The following NIBAN1 variants were observed in gnomAD, a reference collection of about 807,000 sequenced individuals.
NIBAN1 encodes the protein niban apoptosis regulator 1.
NIBAN1 carries 81 observed loss-of-function variants against 75.1 expected under a neutral mutation model. The observed-to-expected ratio is 1.08, with a 90% CI of 0.90 to 1.30. The LOEUF is 1.30. NIBAN1 is among the 50% of genes most tolerant of loss of function. NIBAN1 has a pLI of 0.00. For missense variants in NIBAN1, 1,133 were observed against 1,128.1 expected, an observed-to-expected ratio of 1.00 and a Z score of -0.06; for synonymous variants, 436 against 424.8, an observed-to-expected ratio of 1.03 and a Z score of -0.32.
At chr1:184,927,658 A>G (rs1188417506) in intron 1 of NIBAN1, among the ~76,000 whole-genome samples, 1 of 152,070 alleles carries the variant, frequency 6.6e-6, no homozygotes, top group African/African-American at 2.4e-5. Context: ...CTGCCTGCCT[A>G]CGACCTATGT....
intron 9 of NIBAN1, among the ~76,000 whole-genome samples, chr1:184,814,753 A>AT (rs1654480125): frequency 6.6e-6 from 1 of 152,230 alleles, no homozygotes; most frequent in Non-Finnish European, 1.5e-5. Context: ...AATTGTTTAA[A>AT]TATACAATTT....
rs1170634077 is a variant in NIBAN1 at position 184,846,099 on chromosome 1, G to C, written c.602-14137C>G. On this transcript the variant is annotated intron_variant, in intron 5 of 13. Transcript: ENST00000367511. ...CTTAGGTAAACAAAGCAGCCAGGAA[G>C]CTCGAACTGGGTGGAGCCCACCACA... 7.7e-5 allele frequency among the ~76,000 whole-genome samples: 6 copies of C among 77,954 alleles called. 3 individuals are homozygous for C. The highest frequency in any genetic ancestry group is 3.7e-4 in the African/African-American group (6 of 16,076). The allele number at this position is 77,954 out of a possible 152,430, so 51.1% of individuals were successfully genotyped here.
intron 1 of NIBAN1, among the ~76,000 whole-genome samples, chr1:184,941,853 G>A (rs1658096751): frequency 6.6e-6 from 1 of 152,138 alleles, no homozygotes. Context: ...TGTTGCTGCA[G>A]TATTCTCAGA....
intron 1 of NIBAN1, among the ~76,000 whole-genome samples, chr1:184,972,187 T>C (rs1050524240): frequency 6.6e-6 from 1 of 152,246 alleles, no homozygotes; most frequent in Non-Finnish European, 1.5e-5. Flanking sequence ...TTCAGGAGCT[T>C]TCAAATCTAT....
At chr1:184,810,279 T>C (rs1392612745) in intron 9 of NIBAN1, among the ~76,000 whole-genome samples, 2 of 152,212 alleles carry the variant, frequency 1.3e-5, no homozygotes, top group Non-Finnish European at 2.9e-5. Context: ...TCTTAAACTG[T>C]AGGGTACACC....
intron 1 of NIBAN1, among the ~76,000 whole-genome samples, chr1:184,941,827 T>C (rs1468964298): frequency 2.0e-5 from 3 of 152,172 alleles, no homozygotes; most frequent in Non-Finnish European, 4.4e-5. Flanking sequence ...ATAACACAGA[T>C]TGATGTCTGT....
intron 10 of NIBAN1, 99 bp from the exon 11 acceptor site, chr1:184,806,155 A>G: frequency 1.2e-6 from 1 of 847,076 alleles, no homozygotes; most frequent in South Asian, 1.5e-5. Flanking sequence ...GGGCCATCAG[A>G]GATGAGTCCC....
intron 5 of NIBAN1, among the ~76,000 whole-genome samples, chr1:184,879,680 C>T (rs1300124803): frequency 6.6e-6 from 1 of 152,158 alleles, no homozygotes; most frequent in Non-Finnish European, 1.5e-5. Context: ...TTTAATTCCA[C>T]AACATTTATT....
chr1:184,791,688 A>T lies in NIBAN1; in HGVS notation c.*3289T>A, dbSNP rs1027647136. ...AAAACCATGTCTCGAGGTTTTATGCATTTCTAATGGCTTTGCCCATAGGAG... is the reference window on the plus strand; with the variant it reads ...AAAACCATGTCTCGAGGTTTTATGCTTTTCTAATGGCTTTGCCCATAGGAG... On this transcript the variant is annotated 3_prime_UTR_variant, in exon 14 of 14. Transcript: ENST00000367511. 4 of 152,156 alleles carry T rather than the reference A, an allele frequency of 2.6e-5. No homozygotes were observed. The highest frequency in any genetic ancestry group is 9.7e-5 in the African/African-American group (4 of 41,420). The allele number at this position is 152,156 out of a possible 1,614,324, so 9.4% of individuals were successfully genotyped here.
At chr1:184,973,709 C>T (rs1332683004) in intron 1 of NIBAN1, among the ~76,000 whole-genome samples, 2 of 152,214 alleles carry the variant, frequency 1.3e-5, no homozygotes, top group African/African-American at 4.8e-5. Context: ...TTACAAAGCA[C>T]GCCAGTGTTC....
chr1:184,837,570 C>T (rs541820956), intron 5 of NIBAN1, among the ~76,000 whole-genome samples: 3 of 152,068 alleles, frequency 2.0e-5, no homozygotes, highest in Admixed American at 1.3e-4. Flanking sequence ...TGGAAGTGAT[C>T]TTAAAGGTCA....
At chr1:184,852,292 T>C (rs575802046) in intron 5 of NIBAN1, among the ~76,000 whole-genome samples, 9 of 152,354 alleles carry the variant, frequency 5.9e-5, no homozygotes, top group African/African-American at 2.2e-4. Flanking sequence ...TTGTCACGAA[T>C]GTCCTTGAAA....
In NIBAN1 at chr1:184,968,075, G is replaced by A. The variant is rs375917382; in HGVS notation, c.55+6227C>T. Among the ~76,000 whole-genome samples the A allele has an allele frequency of 3.0e-4, 16 of 53,892 alleles. 4 individuals carry two copies. The highest frequency in any genetic ancestry group is 9.6e-4 in the African/African-American group (15 of 15,700). 35.4% of individuals were successfully genotyped at this position (53,892 alleles called of 152,430 possible). A position where few individuals can be genotyped will look rare whatever the true frequency, so the allele number is the denominator to read the frequency against. ...AAAATTAGCCGGGCGCGGTGGCGGGGGCCTGTAGTCCCAGCTACTGGGGAG... is the reference window on the plus strand; with the variant it reads ...AAAATTAGCCGGGCGCGGTGGCGGGAGCCTGTAGTCCCAGCTACTGGGGAG... On this transcript the variant is annotated intron_variant, in intron 1 of 13. Transcript: ENST00000367511.
Position 184,808,194 on chromosome 1 carries a change from C to T in NIBAN1, c.1215G>A (p.Lys405=). The part of the protein sequence containing the change: ...RLMNLPLHSV[K]MEPCYTKVNL... ...TGACTTTAGTATAACAAGGTTCCAT[C>T]TTCACGGAATGCAGCGGAAGATTCA... Residue 405 remains lysine (K), a synonymous_variant, in exon 10 of 14, where the codon AAG becomes AAA. Coordinates refer to ENST00000367511, the MANE Select transcript of NIBAN1 (RefSeq NM_052966.4). 6.2e-7 allele frequency: 1 copy of T among 1,614,138 alleles called. No homozygotes were observed. The highest frequency in any genetic ancestry group is 8.5e-7 in the Non-Finnish European group (1 of 1,180,012).
chr1:184,908,885 GA>G (rs768888637), intron 1 of NIBAN1, among the ~76,000 whole-genome samples: 7 of 152,056 alleles, frequency 4.6e-5, no homozygotes, highest in Admixed American at 2.0e-4. Flanking sequence ...GGAAGAGTGT[GA>G]AAAAGAAAAT....
rs1335170981 is a variant in NIBAN1 at position 184,851,630 on chromosome 1, A to C, written c.602-19668T>G. ...GTACCCTAAAACTTAGAGTATAATA[A>C]AAAAAAAAAAAATTAAAAAAAAAAA... On this transcript the variant is annotated intron_variant, in intron 5 of 13. Coordinates refer to ENST00000367511, the MANE Select transcript of NIBAN1 (RefSeq NM_052966.4). Among the ~76,000 whole-genome samples, 4 of 6,958 alleles carry C rather than the reference A, an allele frequency of 5.7e-4. 2 individuals are homozygous for C. The highest frequency in any genetic ancestry group is 2.3e-3 in the African/African-American group (4 of 1,748). 4.6% of individuals were successfully genotyped at this position (6,958 alleles called of 152,430 possible). A position where few individuals can be genotyped will look rare whatever the true frequency, so the allele number is the denominator to read the frequency against.
At chr1:184,884,581 C>T (rs1310739808) in intron 5 of NIBAN1, 52 bp downstream of exon 5, 16 of 1,601,362 alleles carry the variant, frequency 1.0e-5, no homozygotes, top group Non-Finnish European at 1.3e-5. Flanking sequence ...AACAACTCAG[C>T]GAGGGCTGCC....
chr1:184,854,328 A>T (rs571536184), intron 5 of NIBAN1, among the ~76,000 whole-genome samples: 1 of 152,196 alleles, frequency 6.6e-6, no homozygotes, highest in African/African-American at 2.4e-5. Flanking sequence ...TTACAAAGGG[A>T]TCTGTTTTAT....
At chr1:184,869,690 C>T (rs980346121) in intron 5 of NIBAN1, among the ~76,000 whole-genome samples, 4 of 151,916 alleles carry the variant, frequency 2.6e-5, no homozygotes, top group African/African-American at 7.3e-5. Flanking sequence ...TACAGTTGTG[C>T]GCCACCATGC....
Sources: allele counts gnomAD v4.1 joint callset (sites outside exome capture counted in the v4.1 genomes callset), GRCh38; gene constraint gnomAD v4.1.1; transcripts MANE v1.5; gene names NCBI Gene and HGNC (gene_info 2026-07-23, HGNC 2026-07-21).